FYN: variants seen among roughly 807,000 people sequenced by gnomAD.
FYN encodes FYN proto-oncogene, Src family tyrosine kinase.
FYN carries 10 observed loss-of-function variants against 70.2 expected under a neutral mutation model. The ratio of observed to expected loss-of-function variants is 0.14; its 90% CI spans 0.09 to 0.24. FYN has a LOEUF of 0.24. Among genes scored for constraint, FYN ranks in the 10% least tolerant of loss-of-function variants. FYN has a pLI of 1.00. For missense variants in FYN, 319 were observed against 673.1 expected, an observed-to-expected ratio of 0.47 and a Z score of 5.82; for synonymous variants, 236 against 248.6, an observed-to-expected ratio of 0.95 and a Z score of 0.48.
intron 13 of FYN, 129 bp downstream of exon 13, chr6:111,674,370 T>C (rs1221612140): frequency 3.9e-6 from 4 of 1,021,698 alleles, no homozygotes; most frequent in South Asian, 1.7e-5. Flanking sequence ...TACCTGGCCA[T>C]GTTCTTCAAA....
intron 1 of FYN, among the ~76,000 whole-genome samples, chr6:111,871,600 C>T (rs1403435731): frequency 6.6e-6 from 1 of 152,182 alleles, no homozygotes; most frequent in African/African-American, 2.4e-5. Flanking sequence ...AGTACAGTGC[C>T]CTCTTAGACT....
intron 3 of FYN, among the ~76,000 whole-genome samples, chr6:111,746,315 C>A (rs1291470268): frequency 1.3e-5 from 2 of 152,158 alleles, no homozygotes; most frequent in Admixed American, 6.5e-5. Flanking sequence ...GAAAGATGCA[C>A]TGGGGTCCCT....
chr6:111,794,949 C>T (rs1267030989), intron 2 of FYN, among the ~76,000 whole-genome samples: 2 of 152,168 alleles, frequency 1.3e-5, no homozygotes, highest in Non-Finnish European at 2.9e-5. Flanking sequence ...AGTCCTAATG[C>T]TGGTTTCAAT....
At chr6:111,721,651 C>T (rs544391925) in intron 3 of FYN, among the ~76,000 whole-genome samples, 40 of 152,036 alleles carry the variant, frequency 2.6e-4, no homozygotes, top group South Asian at 1.0e-3. Context: ...GTGATCCGCC[C>T]GCCTCGGCCT....
chr6:111,840,127 G>A (rs996216540), intron 2 of FYN, among the ~76,000 whole-genome samples: 6 of 152,112 alleles, frequency 3.9e-5, no homozygotes, highest in Non-Finnish European at 7.3e-5. Context: ...TGAAACAAGG[G>A]GTTGCAAGCT....
chr6:111,709,521 A>C (rs1800268480), intron 5 of FYN, among the ~76,000 whole-genome samples: 1 of 152,212 alleles, frequency 6.6e-6, no homozygotes, highest in Admixed American at 6.5e-5. Flanking sequence ...AAAAAAACCA[A>C]GGTGCCAGCA....
Position 111,696,395 on chromosome 6 carries a change from G to C in FYN, c.924C>G (p.Pro308=). The part of the protein sequence containing the change: ...IKTLKPGTMS[P]ESFLEEAQIM... The stretch of plus-strand genomic sequence containing the variant: ...TCTGCGCTTCCTCAAGGAATGATTC[G>C]GGGGACATTGTGCCTGGTTTAAGAG... Residue 308 remains proline (P), a synonymous_variant, in exon 10 of 14, where the codon CCC becomes CCG. Coordinates refer to ENST00000354650, the MANE Select transcript of FYN (RefSeq NM_002037.5). 3 of 1,612,982 alleles carry C rather than the reference G, an allele frequency of 1.9e-6. No individual in the cohort carries two copies. Among genetic ancestry groups the C allele is most frequent in the Non-Finnish European group, 8.5e-7 (1 of 1,179,546 alleles).
At chr6:111,688,174 C>T (rs1799110734) in intron 12 of FYN, among the ~76,000 whole-genome samples, 1 of 152,220 alleles carries the variant, frequency 6.6e-6, no homozygotes, top group South Asian at 2.1e-4. Context: ...AGGTAACCAA[C>T]ACCAATCCTA....
At chr6:111,699,668 T>C (rs759093156) in intron 9 of FYN, 15 of 1,612,766 alleles carry the variant, frequency 9.3e-6, no homozygotes, top group Non-Finnish European at 1.2e-5. Flanking sequence ...CCATCAGCTT[T>C]CTCTACAGGA....
At chr6:111,776,063 C>G (rs1422279835) in intron 3 of FYN, among the ~76,000 whole-genome samples, 1 of 152,162 alleles carries the variant, frequency 6.6e-6, no homozygotes, top group African/African-American at 2.4e-5. Flanking sequence ...AAATAAGAAG[C>G]TAATTTTATT....
chr6:111,854,142 G>A (rs545375176), intron 1 of FYN, among the ~76,000 whole-genome samples: 1 of 152,290 alleles, frequency 6.6e-6, no homozygotes, highest in Non-Finnish European at 1.5e-5. Flanking sequence ...ACACCAGGAT[G>A]GGTTTTGTAA....
At chr6:111,743,380 C>G (rs1187566477) in intron 3 of FYN, among the ~76,000 whole-genome samples, 10 of 152,184 alleles carry the variant, frequency 6.6e-5, no homozygotes, top group Admixed American at 6.5e-4. Context: ...TTTTTCTCCA[C>G]ATGTTTTATA....
intron 2 of FYN, among the ~76,000 whole-genome samples, chr6:111,788,387 G>T (rs925943420): frequency 6.6e-6 from 1 of 152,202 alleles, no homozygotes; most frequent in Non-Finnish European, 1.5e-5. Context: ...CATACATTTT[G>T]TAGCTGAGAT....
intron 5 of FYN, among the ~76,000 whole-genome samples, chr6:111,711,904 A>G (rs1423115395): frequency 6.6e-6 from 1 of 152,200 alleles, no homozygotes; most frequent in Non-Finnish European, 1.5e-5. Context: ...TTCCACTGAT[A>G]TGGAATTCCA....
At chr6:111,852,147 G>C (rs1382585700) in intron 1 of FYN, among the ~76,000 whole-genome samples, 2 of 152,038 alleles carry the variant, frequency 1.3e-5, no homozygotes, top group African/African-American at 2.4e-5. Context: ...AGCACAGAGG[G>C]GGTTCCATTA....
chr6:111,710,563 CT>C (rs924528645), intron 5 of FYN, among the ~76,000 whole-genome samples: 14 of 152,166 alleles, frequency 9.2e-5, no homozygotes, highest in Non-Finnish European at 1.0e-4. Flanking sequence ...CTTGATTTCT[CT>C]TTTTCTAGGC....
At chr6:111,699,446 T>A in intron 9 of FYN, 1 of 1,531,556 alleles carries the variant, frequency 6.5e-7, no homozygotes, top group Non-Finnish European at 8.9e-7. Flanking sequence ...GTGTGTGCAT[T>A]TTTGTTCAAA....
chr6:111,846,598 G>A lies in FYN; in HGVS notation c.-91C>T, dbSNP rs923266624. ...AAACTTGCCAACTTACTTTTTCCAC[G>A]TTTAGATCAGCATCCTGCTTCTTCA... On this transcript the variant is annotated 5_prime_UTR_variant, in exon 2 of 14. It adds an upstream start codon to the 5' untranslated region. Transcript: ENST00000354650. 13 of 398,506 alleles carry A rather than the reference G, an allele frequency of 3.3e-5. No homozygotes were observed. Among genetic ancestry groups the A allele is most frequent in the Admixed American group, 8.8e-5 (2 of 22,680 alleles). 24.7% of individuals were successfully genotyped at this position (398,506 alleles called of 1,614,324 possible).
intron 2 of FYN, among the ~76,000 whole-genome samples, chr6:111,843,430 G>A (rs1773423874): frequency 6.6e-6 from 1 of 152,148 alleles, no homozygotes; most frequent in Admixed American, 6.5e-5. Flanking sequence ...TACACTTAAA[G>A]CAATGATATC....
Sources: gnomAD v4.1 joint callset for allele counts (sites outside exome capture counted in the v4.1 genomes callset) on GRCh38, gnomAD v4.1.1 for gene constraint, MANE v1.5 for transcripts, NCBI Gene and HGNC (gene_info 2026-07-23, HGNC 2026-07-21) for gene names.